The following RNASEL variants were observed in gnomAD, a reference collection of about 807,000 sequenced individuals.
The protein encoded by RNASEL is 2-5A-dependent ribonuclease.
A neutral mutation model predicts 50.9 loss-of-function variants in RNASEL; 36 were observed. The ratio of observed to expected loss-of-function variants is 0.71; its 90% CI spans 0.54 to 0.93. The LOEUF (loss-of-function observed/expected upper bound fraction) is 0.93. Ranked by LOEUF, RNASEL falls within the 40% of genes least tolerant of loss-of-function variation. RNASEL has a pLI of 0.00. For synonymous variants in RNASEL, 335 were observed against 335.6 expected (o/e 1.00, Z 0.02); for missense variants, 860 against 894.5 (o/e 0.96, Z 0.49).
rs1294372948 is a variant in RNASEL at position 182,586,219 on chromosome 1, G to A, written c.588C>T (p.Asn196=). 3 of 1,614,134 alleles carry A rather than the reference G, an allele frequency of 1.9e-6. No homozygotes were observed. Among genetic ancestry groups the A allele is most frequent in the Non-Finnish European group, 2.5e-6 (3 of 1,180,036 alleles). Residue 196 remains asparagine, a synonymous_variant, in exon 2 of 7, where the codon AAC becomes AAT. Transcript: ENST00000367559. Reference sequence around the variant, plus strand: ...CATTTCTGCCCATATTGTCACAGGCGTTTACATCTGCCCCCATCTCATCAA... The same window carrying A: ...CATTTCTGCCCATATTGTCACAGGCATTTACATCTGCCCCCATCTCATCAA... The part of the protein sequence containing the change: ...ILLDEMGADV[N]ACDNMGRNAL...
rs758670757 is a variant in RNASEL, at chr1:182,581,273, T to C, written c.1857A>G (p.Gln619=). Residue 619 remains glutamine, a synonymous_variant, in exon 5 of 7, where the codon CAA becomes CAG. Transcript: ENST00000367559. ...TTTTGGAATGTTCAGAAGGCCCAGG[T>C]TGCAGTAGTCTGAGGATCTCACTTT... ...KSESEILRLL[Q]PGPSEHSKSF... The C allele has an allele frequency of 3.7e-6, 6 of 1,614,130 alleles. No individual in the cohort carries two copies. Among genetic ancestry groups the C allele is most frequent in the Admixed American group, 3.3e-5 (2 of 60,018 alleles).
At chr1:182,584,406 G>A (rs1661554344) in intron 2 of RNASEL, among the ~76,000 whole-genome samples, 1 of 152,068 alleles carries the variant, frequency 6.6e-6, no homozygotes, top group African/African-American at 2.4e-5. Flanking sequence ...CAGGCCAGGG[G>A]GTAGGAAGGG....
rs535920248 is a variant in RNASEL at position 182,574,653 on chromosome 1, A to G, written c.*739T>C. ...GTCTTTACCCACTAAATGCCATAGC[A>G]TGCTCCCCACAAAGCTGTGACACCA... On this transcript the variant is annotated 3_prime_UTR_variant, in exon 7 of 7. Transcript: ENST00000367559. 4.3e-6 allele frequency: 1 copy of G among 232,846 alleles called. No homozygotes were observed. The highest frequency in any genetic ancestry group is 1.8e-4 in the South Asian group (1 of 5,512). 14.4% of individuals were successfully genotyped at this position (232,846 alleles called of 1,614,324 possible). A position where few individuals can be genotyped will look rare whatever the true frequency, so the allele number is the denominator to read the frequency against.
chr1:182,581,195 T>G, intron 5 of RNASEL, 30 bp downstream of exon 5: 1 of 1,614,098 alleles, frequency 6.2e-7, no homozygotes, highest in Non-Finnish European at 8.5e-7. Context: ...ATTCCTGGAC[T>G]AACCCCTGCA....
At position 182,574,132 on chromosome 1, in the gene RNASEL, A is replaced by C; in HGVS notation, c.*1260T>G. On this transcript the variant is annotated 3_prime_UTR_variant, in exon 7 of 7. Coordinates refer to ENST00000367559, the MANE Select transcript of RNASEL (RefSeq NM_021133.4). ...GTATACATTATAAAGCACCAGAAAA[A>C]CGTAAGACAGTATTATTATTCATGT... 4.6e-6 allele frequency: 1 copy of C among 218,758 alleles called. No individual in the cohort carries two copies. Among genetic ancestry groups the C allele is most frequent in the East Asian group, 6.8e-5 (1 of 14,626 alleles). The allele number at this position is 218,758 out of a possible 1,614,324, so 13.6% of individuals were successfully genotyped here.
chr1:182,585,431 TCATCTTCCTCATTTTCCA>T lies in RNASEL; in HGVS notation c.1358_1375del (p.Val453_Asp458del), dbSNP rs1424651322. The T allele has an allele frequency of 1.2e-6, 2 of 1,614,150 alleles. No homozygotes were observed. The highest frequency in any genetic ancestry group is 1.7e-6 in the Non-Finnish European group (2 of 1,180,022). On this transcript the variant is annotated inframe_deletion, in exon 2 of 7. Transcript: ENST00000367559. ...AGATGACAGGACATTTCGGGCAAAT[TCATCTTCCTCATTTTCCA>T]CATCTTCCCCTCTGTGCACATCCAA...
intron 5 of RNASEL, among the ~76,000 whole-genome samples, chr1:182,577,343 T>C (rs1434382789): frequency 6.6e-6 from 1 of 152,144 alleles, no homozygotes; most frequent in Non-Finnish European, 1.5e-5. Flanking sequence ...ACTACTATAC[T>C]AGGAAAGTCG....
Position 182,586,474 on chromosome 1 carries a change from G to A in RNASEL, c.333C>T (p.Phe111=), listed in dbSNP as rs1661599062. 6.2e-7 allele frequency: 1 copy of A among 1,613,340 alleles called. No homozygotes were observed. The highest frequency in any genetic ancestry group is 1.3e-5 in the African/African-American group (1 of 74,890). The change falls in exon 2 of 7, where the codon TTC becomes TTT. Residue 111 remains phenylalanine (F), a synonymous_variant. Transcript: ENST00000367559. ...IAGSVKLLKL[F]LSKGADVNEC... ...CATTGACATCTGCTCCTTTAGAAAG[G>A]AAAAGTTTCAGCAGCTTCACGCTCC...
chr1:182,583,483 T>C (rs972799906), intron 3 of RNASEL, among the ~76,000 whole-genome samples: 3 of 152,270 alleles, frequency 2.0e-5, no homozygotes, highest in East Asian at 3.9e-4. Context: ...ACGGTTAATA[T>C]TGAGTGTCAA....
Position 182,582,206 on chromosome 1 carries a change from T to G in RNASEL, c.1619A>C (p.Glu540Ala). The G allele has an allele frequency of 6.2e-7, 1 of 1,614,232 alleles. No homozygotes were observed. Among genetic ancestry groups the G allele is most frequent in the Non-Finnish European group, 8.5e-7 (1 of 1,180,044 alleles). The change falls in exon 4 of 7, where the codon GAG (glutamate) becomes GCG (alanine). Residue 540 changes from glutamate to alanine, a missense_variant. By Grantham distance (107) the Glu-to-Ala change is moderately radical (BLOSUM62 -1). Coordinates refer to ENST00000367559, the MANE Select transcript of RNASEL (RefSeq NM_021133.4). ...TTCATTACTTTGAGCTTTCAGATCC[T>G]CAAATGAGATGCTTCCCTTCTTTAC... ...YVVKKGSISF[E>A]DLKAQSNEEV...
Position 182,575,468 on chromosome 1 carries a change from G to A in RNASEL, c.2150C>T (p.Pro717Leu), listed in dbSNP as rs1412665641. 3.1e-6 allele frequency: 5 copies of A among 1,614,052 alleles called. No individual in the cohort carries two copies. In the African/African-American group the frequency reaches 4.0e-5, roughly 13 times the overall value. Residue 717 changes from proline (P) to leucine (L), a missense_variant, in exon 7 of 7, where the codon CCC (proline) becomes CTC (leucine). Coordinates refer to ENST00000367559, the MANE Select transcript of RNASEL (RefSeq NM_021133.4). ...AGGCTTGTTTGGACTGTGGGTTTGG[G>A]GGAAATGCTTTCTATATTCTGTGTT... ...LQNTEYRKHF[P>L]QTHSPNKPQC...
At chr1:182,579,486 G>T in intron 5 of RNASEL, 9 of 1,067,914 alleles carry the variant, frequency 8.4e-6, no homozygotes, top group Non-Finnish European at 1.0e-5. Flanking sequence ...TGCACTCTGT[G>T]CAGAACACCC....
At position 182,575,434 on chromosome 1, in the gene RNASEL, A is replaced by G; in HGVS notation, c.2184T>C (p.Asp728=). 1.2e-6 allele frequency: 2 copies of G among 1,614,194 alleles called. No homozygotes were observed. Among genetic ancestry groups the G allele is most frequent in the Non-Finnish European group, 1.7e-6 (2 of 1,180,032 alleles). Residue 728 remains aspartate (D), a synonymous_variant, in exon 7 of 7, where the codon GAT becomes GAC. Transcript: ENST00000367559. ...CCAACCCACTGGCCCCACCAGCTCC[A>G]TCACACTGAGGCTTGTTTGGACTGT... is the stretch of plus-strand genomic sequence containing the variant. ...QTHSPNKPQC[D]GAGGASGLAS... is the part of the protein sequence containing the mutation.
chr1:182,587,324 A>T (rs1327497359), intron 1 of RNASEL, among the ~76,000 whole-genome samples: 1 of 152,134 alleles, frequency 6.6e-6, no homozygotes, highest in Non-Finnish European at 1.5e-5. Flanking sequence ...TGACTATGTA[A>T]TATGAAATCA....
At position 182,581,329 on chromosome 1, in the gene RNASEL, T is replaced by C; in HGVS notation, c.1801A>G (p.Asn601Asp). Residue 601 changes from asparagine (N) to aspartate (D), a missense_variant, in exon 5 of 7, where the codon AAT (asparagine) becomes GAT (aspartate). Physicochemically the swap from Asn to Asp is conservative, Grantham distance 23. Coordinates refer to ENST00000367559, the MANE Select transcript of RNASEL (RefSeq NM_021133.4). Reference sequence around the variant, plus strand: ...TTTCGTGTTTTGATGTCGGATTCATTTCCCACATTCCGAAGCGTCCTATAG... The same window carrying C: ...TTTCGTGTTTTGATGTCGGATTCATCTCCCACATTCCGAAGCGTCCTATAG... ...SRYRTLRNVGNESDIKTRKSE... is the reference protein window; with the variant it reads ...SRYRTLRNVGDESDIKTRKSE... 6.2e-7 allele frequency: 1 copy of C among 1,614,076 alleles called. No homozygotes were observed. The highest frequency in any genetic ancestry group is 8.5e-7 in the Non-Finnish European group (1 of 1,180,010).
chr1:182,581,100 G>T, intron 5 of RNASEL, 125 bp downstream of exon 5: 1 of 1,437,862 alleles, frequency 7.0e-7, no homozygotes, highest in Non-Finnish European at 9.8e-7. Flanking sequence ...GAGGGCAGGA[G>T]GCAAAATCAC....
In RNASEL at chr1:182,586,274, T is replaced by C. The variant is rs758986186; in HGVS notation, c.533A>G (p.Lys178Arg). The C allele has an allele frequency of 1.2e-6, 2 of 1,614,084 alleles. No individual in the cohort carries two copies. Among genetic ancestry groups the C allele is most frequent in the Non-Finnish European group, 1.7e-6 (2 of 1,180,030 alleles). ...AATCTTCAAGACCTCTACGTGTCCT[T>C]TTTCAGCAGCGTCCATGAGAGCTGT... ...GATALMDAAEKGHVEVLKILL... is the reference protein window; with the variant it reads ...GATALMDAAERGHVEVLKILL... Residue 178 changes from lysine to arginine, a missense_variant, in exon 2 of 7, where the codon AAA (lysine) becomes AGA (arginine). By Grantham distance (26) the Lys-to-Arg change is conservative. Transcript: ENST00000367559.
intron 5 of RNASEL, chr1:182,577,124 C>T (rs2333446): frequency 0.75 from 112,037 of 150,212 alleles, 42,588 homozygotes; most frequent in East Asian, 1. Context: ...ACCTCGTGAT[C>T]CACCCACCTT....
At chr1:182,584,812 G>A (rs542656692) in intron 2 of RNASEL, among the ~76,000 whole-genome samples, 21 of 152,194 alleles carry the variant, frequency 1.4e-4, no homozygotes, top group African/African-American at 3.1e-4. Flanking sequence ...GGGACTTTAC[G>A]GTCAGCCTTG....
Sources: gnomAD v4.1 joint callset for allele counts (sites outside exome capture counted in the v4.1 genomes callset) on GRCh38, gnomAD v4.1.1 for gene constraint, MANE v1.5 for transcripts, NCBI Gene and HGNC (gene_info 2026-07-23, HGNC 2026-07-21) for gene names.